The following DCLK2 variants were observed in gnomAD, a reference collection of about 807,000 sequenced individuals.
The protein encoded by DCLK2 is doublecortin like kinase 2, also known as serine/threonine-protein kinase DCLK2.
A neutral mutation model predicts 78.4 loss-of-function variants in DCLK2; 31 were observed. The ratio of observed to expected loss-of-function variants is 0.40; its 90% CI spans 0.30 to 0.53. DCLK2 has a LOEUF of 0.53. Among genes scored for constraint, DCLK2 ranks in the 20% least tolerant of loss-of-function variants. The pLI, the probability that DCLK2 is intolerant of heterozygous loss-of-function variation, is 0.61. For synonymous variants in DCLK2, 407 were observed against 374.9 expected, an observed-to-expected ratio of 1.09 and a Z score of -0.99; for missense variants, 872 against 973.7, an observed-to-expected ratio of 0.90 and a Z score of 1.39.
At chr4:150,095,147 C>T (rs1416924344) in intron 1 of DCLK2, among the ~76,000 whole-genome samples, 1 of 152,158 alleles carries the variant, frequency 6.6e-6, no homozygotes, top group African/African-American at 2.4e-5. Flanking sequence ...ATAAAACACA[C>T]GCAGCCAGAA....
chr4:150,180,925 C>CA (rs1163140083), intron 2 of DCLK2, among the ~76,000 whole-genome samples: 6 of 152,278 alleles, frequency 3.9e-5, no homozygotes, highest in African/African-American at 1.4e-4. Context: ...ATAAGACCCC[C>CA]ATTCCAGAAA....
chr4:150,236,468 C>T (rs1742517357), intron 10 of DCLK2, among the ~76,000 whole-genome samples: 1 of 152,112 alleles, frequency 6.6e-6, no homozygotes, highest in Non-Finnish European at 1.5e-5. Flanking sequence ...TCCTAGTTGC[C>T]CAGTGGGGTG....
chr4:150,079,081 G>A lies in DCLK2; in HGVS notation c.54G>A (p.Arg18=). Residue 18 remains arginine, a synonymous_variant, in exon 1 of 16, where the codon AGG becomes AGA. Transcript: ENST00000296550. ...ELEHFEERDK[R]PRPGSRRGAP... Reference sequence around the variant, plus strand: ...AGCACTTTGAGGAACGGGACAAAAGGCCGCGGCCGGGGTCGCGGAGAGGGG... The same window carrying A: ...AGCACTTTGAGGAACGGGACAAAAGACCGCGGCCGGGGTCGCGGAGAGGGG... 1 of 1,563,874 alleles carries A rather than the reference G, an allele frequency of 6.4e-7. No individual in the cohort carries two copies. Among genetic ancestry groups the A allele is most frequent in the Non-Finnish European group, 8.6e-7 (1 of 1,158,360 alleles).
At chr4:150,186,895 TGTG>T (rs1038722475) in intron 2 of DCLK2, among the ~76,000 whole-genome samples, 11 of 13,400 alleles carry the variant, frequency 8.2e-4, no homozygotes, top group Admixed American at 1.8e-3. Flanking sequence ...TATCTCAAAA[TGTG>T]TGTGTGTGTG....
At chr4:150,081,997 CAAAAAAAAAA>C (rs1216080802) in intron 1 of DCLK2, among the ~76,000 whole-genome samples, 1 of 60,188 alleles carries the variant, frequency 1.7e-5, no homozygotes, top group Non-Finnish European at 3.6e-5. Context: ...GACTCTGTCT[CAAAAAAAAAA>C]AAAAAAAGAA....
chr4:150,254,398 GC>G, intron 15 of DCLK2: 1 of 399,076 alleles, frequency 2.5e-6, no homozygotes, highest in Admixed American at 4.4e-5. Flanking sequence ...TGCCTCTCCC[GC>G]CGCCTGCATT....
chr4:150,181,548 A>ATG (rs577807208), intron 2 of DCLK2, among the ~76,000 whole-genome samples: 114 of 152,184 alleles, frequency 7.5e-4, no homozygotes, highest in African/African-American at 2.6e-3. Flanking sequence ...TCAGTATTCC[A>ATG]TGATTGGTCT....
At chr4:150,241,442 G>A (rs1742919438) in intron 12 of DCLK2, among the ~76,000 whole-genome samples, 1 of 152,172 alleles carries the variant, frequency 6.6e-6, no homozygotes, top group African/African-American at 2.4e-5. Flanking sequence ...TGAAGCAGAA[G>A]TTCATCTAAC....
At chr4:150,134,971 T>C (rs1430207085) in intron 2 of DCLK2, among the ~76,000 whole-genome samples, 2 of 152,168 alleles carry the variant, frequency 1.3e-5, no homozygotes. Context: ...TTTTAAAAAA[T>C]TGTTTGCTGA....
chr4:150,247,735 G>C (rs367870550), intron 13 of DCLK2, 36 bp downstream of exon 13: 34 of 1,560,720 alleles, frequency 2.2e-5, no homozygotes, highest in Non-Finnish European at 2.9e-5. Context: ...GTTGTATTAC[G>C]TTGTGGGGTC....
At position 150,101,292 on chromosome 4, in the gene DCLK2, A is replaced by G. The variant is rs1264064771; in HGVS notation, c.422-1186A>G. ...TTAAATAAAAATAAAATCTTCTTGT[A>G]TGCCTTATCTGTCACTGAATTATTC... On this transcript the variant is annotated intron_variant, in intron 1 of 15. Coordinates refer to ENST00000296550, the MANE Select transcript of DCLK2 (RefSeq NM_001040260.4). 2.6e-5 allele frequency among the ~76,000 whole-genome samples: 4 copies of G among 152,270 alleles called. No homozygotes were observed. The East Asian group carries it at 5.8e-4, about 22-fold the overall frequency.
rs764486048 is a variant in DCLK2, at chr4:150,256,273, C to T, written c.*26C>T. 5 of 1,476,152 alleles carry T rather than the reference C, an allele frequency of 3.4e-6. No homozygotes were observed. Among genetic ancestry groups the T allele is most frequent in the Non-Finnish European group, 4.5e-6 (5 of 1,115,906 alleles). The allele number at this position is 1,476,152 out of a possible 1,614,324, so 91.4% of individuals were successfully genotyped here. ...GCCTCCTGCAGACGGGCGAAGCCGCCTGCTGCAGCCCAGGAAGCCAGCCCT... is the reference window on the plus strand; with the variant it reads ...GCCTCCTGCAGACGGGCGAAGCCGCTTGCTGCAGCCCAGGAAGCCAGCCCT... On this transcript the variant is annotated 3_prime_UTR_variant, in exon 16 of 16. Transcript: ENST00000296550.
intron 4 of DCLK2, among the ~76,000 whole-genome samples, chr4:150,202,457 A>C (rs921476260): frequency 3.5e-4 from 53 of 152,330 alleles, no homozygotes; most frequent in African/African-American, 1.3e-3. Flanking sequence ...GAAATTTTAA[A>C]ATGAGCAATA....
intron 2 of DCLK2, among the ~76,000 whole-genome samples, chr4:150,170,765 G>T (rs1416678594): frequency 2.0e-5 from 3 of 151,880 alleles, no homozygotes; most frequent in Admixed American, 2.0e-4. Flanking sequence ...CCAGAATCTT[G>T]GTATTTATTT....
intron 2 of DCLK2, among the ~76,000 whole-genome samples, chr4:150,146,744 A>G (rs1734502705): frequency 6.6e-6 from 1 of 152,204 alleles, no homozygotes; most frequent in Admixed American, 6.5e-5. Flanking sequence ...ATCCTCAGAT[A>G]TATGAGTTCT....
At chr4:150,183,593 A>G (rs1398480284) in intron 2 of DCLK2, among the ~76,000 whole-genome samples, 1 of 152,322 alleles carries the variant, frequency 6.6e-6, no homozygotes, top group East Asian at 1.9e-4. Context: ...ATAGAAAACT[A>G]ACATCATAAA....
At chr4:150,229,893 C>G (rs771779381) in intron 8 of DCLK2, among the ~76,000 whole-genome samples, 10 of 152,122 alleles carry the variant, frequency 6.6e-5, no homozygotes, top group Non-Finnish European at 1.5e-4. Context: ...GAAATATTCT[C>G]TTGGAAAATT....
chr4:150,232,310 C>G, intron 8 of DCLK2, 27 bp from the exon 9 acceptor site: 1 of 1,606,766 alleles, frequency 6.2e-7, no homozygotes, highest in Non-Finnish European at 8.5e-7. Context: ...GATTTCTGAT[C>G]TCCTCTCTAT....
At chr4:150,185,754 C>T (rs1166928453) in intron 2 of DCLK2, among the ~76,000 whole-genome samples, 1 of 151,940 alleles carries the variant, frequency 6.6e-6, no homozygotes, top group African/African-American at 2.4e-5. Context: ...GACCTCAAGC[C>T]TCTTTCACAC....
Sources: gnomAD v4.1 joint callset for allele counts (sites outside exome capture counted in the v4.1 genomes callset) on GRCh38, gnomAD v4.1.1 for gene constraint, MANE v1.5 for transcripts, NCBI Gene and HGNC (gene_info 2026-07-23, HGNC 2026-07-21) for gene names.